The following POLR3A variants were observed in gnomAD, a reference collection of about 807,000 sequenced individuals.
POLR3A encodes the protein DNA-directed RNA polymerase III subunit RPC1.
Under a neutral mutation model 152.8 loss-of-function variants are expected in POLR3A, and 112 were observed. The ratio of observed to expected loss-of-function variants is 0.73; its 90% confidence interval spans 0.63 to 0.86. POLR3A has a LOEUF of 0.86. Ranked by LOEUF, POLR3A falls within the 40% of genes least tolerant of loss-of-function variation. The pLI is 0.00. For missense variants in POLR3A, 1,385 were observed against 1,743.1 expected (o/e 0.79, Z 3.66); for synonymous variants, 615 against 652.1 (o/e 0.94, Z 0.87).
chr10:78,019,896 G>A (rs2131956890), intron 8 of POLR3A: 1 of 152,824 alleles, frequency 6.5e-6, no homozygotes, highest in South Asian at 2.1e-4. Flanking sequence ...AGTATGGGCT[G>A]GGCATGGTAG....
intron 7 of POLR3A, 86 bp from the exon 8 acceptor site, chr10:78,021,768 T>C: frequency 6.2e-7 from 1 of 1,609,086 alleles, no homozygotes; most frequent in Non-Finnish European, 8.5e-7. Flanking sequence ...GAGGAAAGCC[T>C]GTGACCTCCA....
In POLR3A at chr10:78,009,612, G is replaced by A; in HGVS notation, c.1834C>T (p.Pro612Ser). The A allele has an allele frequency of 1.2e-6, 2 of 1,614,154 alleles. No individual in the cohort carries two copies. Among genetic ancestry groups the A allele is most frequent in the Non-Finnish European group, 1.7e-6 (2 of 1,180,028 alleles). ...TTGGTTCGCAGGTTGGCCCTCACTG[G>A]ATTGTCATCGCTAGGCCTGAGGATG... ...SVILRPSDDN[P>S]VRANLRTKGK... Residue 612 changes from proline (P) to serine (S), a missense_variant, in exon 14 of 31, where the codon CCA (proline) becomes TCA (serine). By Grantham distance (74) the Pro-to-Ser change is moderately conservative. Coordinates refer to ENST00000372371, the MANE Select transcript of POLR3A (RefSeq NM_007055.4).
intron 28 of POLR3A, 84 bp downstream of exon 28, chr10:77,982,070 G>C (rs1242051868): frequency 1.1e-5 from 5 of 456,404 alleles, no homozygotes; most frequent in East Asian, 1.1e-4. Flanking sequence ...AAAAAAAGAA[G>C]TATACTGGGA....
intron 10 of POLR3A, 52 bp downstream of exon 10, chr10:78,017,523 A>G: frequency 6.3e-7 from 1 of 1,579,172 alleles, no homozygotes; most frequent in Non-Finnish European, 8.7e-7. Flanking sequence ...AGCACTGAAC[A>G]GTCATGGCAA....
intron 5 of POLR3A, among the ~76,000 whole-genome samples, chr10:78,022,777 C>A (rs995621641): frequency 1.3e-5 from 2 of 152,094 alleles, no homozygotes; most frequent in African/African-American, 4.8e-5. Context: ...CACGGTATAT[C>A]CCTATGTGGA....
rs142520086 is a variant in POLR3A at position 78,004,862 on chromosome 10, C to A, written c.2101G>T (p.Gly701Cys). Reference protein sequence around the residue: ...LSNRGFSIGIGDVTPGQGLLK... With the variant: ...LSNRGFSIGICDVTPGQGLLK... ...AGTCCTTGGCCAGGTGTGACATCACCGATCCCAATTGAGAAACCACGGTTA... is the reference window on the plus strand; with the variant it reads ...AGTCCTTGGCCAGGTGTGACATCACAGATCCCAATTGAGAAACCACGGTTA... The change falls in exon 16 of 31, where the codon GGT (glycine) becomes TGT (cysteine). Residue 701 changes from glycine to cysteine, a missense_variant. Gly to Cys is a radical substitution (Grantham distance 159). Transcript: ENST00000372371. 3.1e-6 allele frequency: 5 copies of A among 1,613,942 alleles called. No homozygotes were observed. In the South Asian group the frequency reaches 5.5e-5, roughly 18 times the overall value.
chr10:77,982,673 G>C lies in POLR3A; in HGVS notation c.3574C>G (p.Leu1192Val). The C allele has an allele frequency of 6.2e-7, 1 of 1,613,436 alleles. No homozygotes were observed. The highest frequency in any genetic ancestry group is 2.2e-5 in the East Asian group (1 of 44,880). ...KSSMYYVLQF[L>V]KEDLPKVVVQ... ...TTCACCTTGGGGAGATCCTCTTTCA[G>C]GAACTGCAGCACGTAGTACATGGAG... Residue 1192 changes from leucine to valine, a missense_variant, in exon 27 of 31, where the codon CTG becomes GTG. Leu to Val is a conservative substitution (Grantham distance 32). Transcript: ENST00000372371.
At chr10:78,025,958 G>T in intron 2 of POLR3A, 136 bp downstream of exon 2, 1 of 1,244,988 alleles carries the variant, frequency 8.0e-7, no homozygotes, top group Non-Finnish European at 1.2e-6. Flanking sequence ...AAAGGCCGGA[G>T]TTCTTGACCT....
intron 21 of POLR3A, among the ~76,000 whole-genome samples, chr10:77,990,283 AG>A (rs1042973587): frequency 6.6e-6 from 1 of 152,218 alleles, no homozygotes; most frequent in African/African-American, 2.4e-5. Context: ...AGAATAGAAA[AG>A]GCTGATTCAA....
chr10:78,024,363 T>C (rs537381910), intron 5 of POLR3A, among the ~76,000 whole-genome samples, 186 bp downstream of exon 5: 2 of 131,868 alleles, frequency 1.5e-5, no homozygotes, highest in African/African-American at 6.1e-5. Context: ...GACTCTGTCT[T>C]CCATCTCAAA....
At chr10:77,979,570 G>A (rs1374788304) in intron 30 of POLR3A, among the ~76,000 whole-genome samples, 5 of 152,256 alleles carry the variant, frequency 3.3e-5, no homozygotes, top group Non-Finnish European at 4.4e-5. Flanking sequence ...GAGTGGCGGG[G>A]ATGAGGCATG....
rs1223380615 is a variant in POLR3A at position 77,983,967 on chromosome 10, T to C, written c.3382A>G (p.Ile1128Val). The change falls in exon 26 of 31, where the codon ATT becomes GTT. Residue 1128 changes from isoleucine (I) to valine (V), a missense_variant. By Grantham distance (29) the Ile-to-Val change is conservative. Around this residue, in one of 7 missense-constraint regions of POLR3A, gnomAD observed 332 missense variants for 400.1 expected, o/e 0.83. Transcript: ENST00000372371. Reference sequence around the variant, plus strand: ...CGTTCCAGGGAGAGCTTGACGAGAATAAAGCAGTCATCAGGAAGAAACACT... The same window carrying C: ...CGTTCCAGGGAGAGCTTGACGAGAACAAAGCAGTCATCAGGAAGAAACACT... ...EEVFLPDDCF[I>V]LVKLSLERIR... 2 of 1,612,946 alleles carry C rather than the reference T, an allele frequency of 1.2e-6. No individual in the cohort carries two copies. The highest frequency in any genetic ancestry group is 1.7e-6 in the Non-Finnish European group (2 of 1,179,058).
rs945734492 is a variant in POLR3A, at chr10:78,025,088, A to T, written c.373T>A (p.Phe125Ile). 1 of 1,614,036 alleles carries T rather than the reference A, an allele frequency of 6.2e-7. No individual in the cohort carries two copies. Among genetic ancestry groups the T allele is most frequent in the African/African-American group, 1.3e-5 (1 of 74,914 alleles). The change falls in exon 4 of 31, where the codon TTT becomes ATT. Residue 125 changes from phenylalanine to isoleucine, a missense_variant. Transcript: ENST00000372371. Reference protein sequence around the residue: ...IMLSQEEKKQFLDYLKRPGLT... With the variant: ...IMLSQEEKKQILDYLKRPGLT... Reference sequence around the variant, plus strand: ...CCGGGCCTCTTTAGATAGTCCAGAAACTGCTTCTTCTCCTCTTGGGACAGC... The same window carrying T: ...CCGGGCCTCTTTAGATAGTCCAGAATCTGCTTCTTCTCCTCTTGGGACAGC...
chr10:78,022,935 A>G (rs1847594128), intron 5 of POLR3A, among the ~76,000 whole-genome samples: 1 of 152,178 alleles, frequency 6.6e-6, no homozygotes, highest in Non-Finnish European at 1.5e-5. Flanking sequence ...AGGTAGGTAG[A>G]TTACCTGAGG....
At position 78,021,651 on chromosome 10, in the gene POLR3A, T is replaced by C; in HGVS notation, c.1080A>G (p.Arg360=). ...TGACTGTTCTGCCAGAAAAATCCAC[T>C]CTCTTTCCTGAGAGATTTCCTCTAA... The part of the protein sequence containing the change: ...GRFRGNLSGK[R]VDFSGRTVIS... The change falls in exon 8 of 31, where the codon AGA becomes AGG. Residue 360 remains arginine (R), a synonymous_variant. Transcript: ENST00000372371. The C allele has an allele frequency of 1.2e-6, 2 of 1,614,006 alleles. No individual in the cohort carries two copies. The highest frequency in any genetic ancestry group is 8.5e-7 in the Non-Finnish European group (1 of 1,179,968).
intron 9 of POLR3A, 145 bp downstream of exon 9, chr10:78,019,017 C>T (rs1847552300): frequency 1.4e-6 from 1 of 703,830 alleles, no homozygotes; most frequent in Non-Finnish European, 2.6e-6. Flanking sequence ...CATACCTTGG[C>T]TCACGGAAAT....
chr10:78,025,983 A>AG, intron 2 of POLR3A, 111 bp downstream of exon 2: 2 of 1,367,170 alleles, frequency 1.5e-6, no homozygotes, highest in Middle Eastern at 2.5e-4. Context: ...TAATATGTGC[A>AG]GGGGGGAATT....
At chr10:77,982,876 T>C (rs772278595) in intron 26 of POLR3A, 59 bp from the exon 27 acceptor site, 144 of 1,536,966 alleles carry the variant, frequency 9.4e-5, no homozygotes, top group Non-Finnish European at 1.3e-4. Flanking sequence ...GTTTATTTCA[T>C]TGTTGCCCCT....
chr10:78,008,998 C>T (rs1198469474), intron 14 of POLR3A, among the ~76,000 whole-genome samples: 3 of 151,342 alleles, frequency 2.0e-5, no homozygotes, highest in Non-Finnish European at 4.4e-5. Flanking sequence ...ACTAAAAATA[C>T]AAAAATAAGC....
Sources: allele counts gnomAD v4.1 joint callset (sites outside exome capture counted in the v4.1 genomes callset), GRCh38; gene constraint gnomAD v4.1.1; regional missense constraint gnomAD v4.1.1; transcripts MANE v1.5; gene names NCBI Gene and HGNC (gene_info 2026-07-23, HGNC 2026-07-21).